CHRM3: variants seen among roughly 807,000 people sequenced by gnomAD.
CHRM3 encodes cholinergic receptor muscarinic 3.
A neutral mutation model predicts 41.8 loss-of-function variants in CHRM3; 11 were observed. The ratio of observed to expected loss-of-function variants is 0.26; its 90% confidence interval spans 0.17 to 0.44. The LOEUF (loss-of-function observed/expected upper bound fraction) is 0.44, where lower values mean the gene tolerates loss of function less well. Ranked by LOEUF, CHRM3 falls within the 20% of genes least tolerant of loss-of-function variation. The pLI is 1.00. For missense variants in CHRM3, 571 were observed against 745.4 expected (o/e 0.77, Z 2.72); for synonymous variants, 297 against 301.4 (o/e 0.99, Z 0.15).
At chr1:239,493,610 G>A (rs1667694119) in intron 2 of CHRM3, among the ~76,000 whole-genome samples, 1 of 152,150 alleles carries the variant, frequency 6.6e-6, no homozygotes, top group Non-Finnish European at 1.5e-5. Flanking sequence ...CAGTAAGGCT[G>A]ATAAAAGCAA....
At chr1:239,661,341 G>A (rs891113482) in intron 4 of CHRM3, among the ~76,000 whole-genome samples, 4 of 152,198 alleles carry the variant, frequency 2.6e-5, no homozygotes, top group African/African-American at 9.7e-5. Flanking sequence ...ATTTTAGGTA[G>A]TATCTTTCAA....
intron 5 of CHRM3, among the ~76,000 whole-genome samples, chr1:239,698,742 G>A (rs140157423): frequency 6.8e-4 from 103 of 152,140 alleles, no homozygotes; most frequent in African/African-American, 2.4e-3. Flanking sequence ...TTTAATAAAC[G>A]CTTACTGAGG....
At chr1:239,526,151 C>T (rs190907262) in intron 2 of CHRM3, among the ~76,000 whole-genome samples, 110 of 152,226 alleles carry the variant, frequency 7.2e-4, no homozygotes, top group Middle Eastern at 3.4e-3. Flanking sequence ...TGCCCTCAAA[C>T]AAACCCTTCC....
At chr1:239,804,458 G>A (rs1021899560) in intron 5 of CHRM3, among the ~76,000 whole-genome samples, 2 of 152,076 alleles carry the variant, frequency 1.3e-5, no homozygotes, top group African/African-American at 4.8e-5. Flanking sequence ...TTTAAGTTAG[G>A]GCATTTGAGC....
At chr1:239,474,898 T>G (rs138633483) in intron 1 of CHRM3, among the ~76,000 whole-genome samples, 3 of 152,256 alleles carry the variant, frequency 2.0e-5, no homozygotes, top group African/African-American at 4.8e-5. Context: ...TAGTAGACTG[T>G]GTTTACATCA....
intron 6 of CHRM3, among the ~76,000 whole-genome samples, chr1:239,835,782 T>C (rs1356846893): frequency 1.3e-5 from 2 of 152,224 alleles, no homozygotes; most frequent in African/African-American, 4.8e-5. Context: ...GAAAAATGTA[T>C]TTATTTCCAT....
At chr1:239,610,829 G>A (rs910288204) in intron 3 of CHRM3, among the ~76,000 whole-genome samples, 6 of 152,122 alleles carry the variant, frequency 3.9e-5, no homozygotes, top group Non-Finnish European at 8.8e-5. Context: ...TGAGGGGGGC[G>A]GATCATGAGG....
rs114289995 is a variant in CHRM3 at position 239,864,229 on chromosome 1, G to A, written c.-20+36851G>A. Among the ~76,000 whole-genome samples, 644 of 152,224 alleles carry A rather than the reference G, an allele frequency of 4.2e-3. 4 individuals carry two copies. The highest frequency in any genetic ancestry group is 0.015 in the African/African-American group (619 of 41,524). Reference sequence around the variant, plus strand: ...ACTCTGAAAGGTATATGTATAGGCCGGGCATGGTGGCTCATGCCTGTAATC... The same window carrying A: ...ACTCTGAAAGGTATATGTATAGGCCAGGCATGGTGGCTCATGCCTGTAATC... On this transcript the variant is annotated intron_variant, in intron 6 of 6. Transcript: ENST00000676153.
At chr1:239,665,825 T>C (rs1026154951) in intron 4 of CHRM3, among the ~76,000 whole-genome samples, 3 of 152,180 alleles carry the variant, frequency 2.0e-5, no homozygotes, top group South Asian at 2.1e-4. Context: ...GCTTCATCCA[T>C]GTCCCTGCAA....
At chr1:239,542,445 T>C (rs1283373731) in intron 2 of CHRM3, among the ~76,000 whole-genome samples, 1 of 152,072 alleles carries the variant, frequency 6.6e-6, no homozygotes. Context: ...GCTGTAATAA[T>C]TTTGGTTGGA....
chr1:239,488,475 G>A lies in CHRM3; in HGVS notation c.-520-4234G>A, dbSNP rs538237322. Among the ~76,000 whole-genome samples, 61 of 152,072 alleles carry A rather than the reference G, an allele frequency of 4.0e-4. 1 individual carries two copies. In the South Asian group the frequency reaches 0.013, roughly 32 times the overall value. ...ACAGGCCTGTAATCCCAGCACTTTGGGAAGCCGAGGTGGGCAGATCATCAG... is the reference window on the plus strand; with the variant it reads ...ACAGGCCTGTAATCCCAGCACTTTGAGAAGCCGAGGTGGGCAGATCATCAG... On this transcript the variant is annotated intron_variant, in intron 1 of 6. Coordinates refer to ENST00000676153, the MANE Select transcript of CHRM3 (RefSeq NM_001375978.1).
chr1:239,545,387 G>A (rs1659192643), intron 2 of CHRM3, among the ~76,000 whole-genome samples: 1 of 152,162 alleles, frequency 6.6e-6, no homozygotes, highest in African/African-American at 2.4e-5. Context: ...CTACTTGGGT[G>A]ATAGGTGTAC....
At chr1:239,541,987 C>T (rs1217376939) in intron 2 of CHRM3, among the ~76,000 whole-genome samples, 1 of 152,096 alleles carries the variant, frequency 6.6e-6, no homozygotes, top group East Asian at 1.9e-4. Flanking sequence ...CAACAGGAAT[C>T]CGAAGAGCCT....
chr1:239,767,853 G>T (rs1240307679), intron 5 of CHRM3, among the ~76,000 whole-genome samples: 2 of 151,950 alleles, frequency 1.3e-5, no homozygotes, highest in Non-Finnish European at 2.9e-5. Flanking sequence ...GTTTTTTTCT[G>T]CAGTGATGTG....
At chr1:239,610,108 G>A (rs545415612) in intron 3 of CHRM3, among the ~76,000 whole-genome samples, 3 of 143,572 alleles carry the variant, frequency 2.1e-5, no homozygotes, top group Non-Finnish European at 4.5e-5. Context: ...CAGGAGAATG[G>A]CGTGAACCTG....
At chr1:239,668,060 C>A (rs1484742544) in intron 4 of CHRM3, among the ~76,000 whole-genome samples, 2 of 144,054 alleles carry the variant, frequency 1.4e-5, no homozygotes, top group South Asian at 4.7e-4. Flanking sequence ...AGGTCAAATA[C>A]ACTTTTTCTT....
intron 5 of CHRM3, among the ~76,000 whole-genome samples, chr1:239,729,274 G>A (rs1489310371): frequency 1.3e-5 from 2 of 151,694 alleles, no homozygotes; most frequent in African/African-American, 4.8e-5. Context: ...AATATTCTGT[G>A]TGCACAGTGT....
chr1:239,522,080 A>G (rs1320180203), intron 2 of CHRM3, among the ~76,000 whole-genome samples: 1 of 152,118 alleles, frequency 6.6e-6, no homozygotes, highest in Non-Finnish European at 1.5e-5. Context: ...TGATGAAGAA[A>G]CACCCCTATC....
intron 6 of CHRM3, among the ~76,000 whole-genome samples, chr1:239,888,307 G>A (rs1678240438): frequency 1.3e-5 from 2 of 152,044 alleles, no homozygotes; most frequent in Admixed American, 1.3e-4. Context: ...GGTTGAGGCT[G>A]CAGTGAGCCA....
Sources: allele counts gnomAD v4.1 joint callset (sites outside exome capture counted in the v4.1 genomes callset), GRCh38; gene constraint gnomAD v4.1.1; transcripts MANE v1.5; gene names NCBI Gene and HGNC (gene_info 2026-07-23, HGNC 2026-07-21).